Variants in WWOX observed in about 807,000 individuals in gnomAD.
WWOX encodes WW domain containing oxidoreductase, also known as WW domain-containing oxidoreductase.
Under a neutral mutation model 46.2 loss-of-function variants are expected in WWOX, and 69 were observed. The observed-to-expected ratio is 1.49, with a 90% CI of 1.23 to 1.82. The LOEUF (loss-of-function observed/expected upper bound fraction) is 1.82. WWOX is among the 40% of genes most tolerant of loss of function. The pLI is 0.00. For synonymous variants in WWOX, 359 were observed against 202.6 expected (o/e 1.77, Z -6.56); for missense variants, 919 against 542.6 (o/e 1.69, Z -6.89).
chr16:78,372,755 G>T (rs1773021661), intron 5 of WWOX, among the ~76,000 whole-genome samples: 1 of 152,162 alleles, frequency 6.6e-6, no homozygotes, highest in East Asian at 1.9e-4. Flanking sequence ...ATAGGATTCA[G>T]ATGTATTTGT....
intron 4 of WWOX, among the ~76,000 whole-genome samples, chr16:78,122,454 T>C (rs564685771): frequency 1.3e-5 from 2 of 152,302 alleles, no homozygotes; most frequent in East Asian, 3.9e-4. Flanking sequence ...TAATAGATTT[T>C]TGTTCTACTT....
intron 8 of WWOX, among the ~76,000 whole-genome samples, chr16:79,037,493 G>T (rs772136642): frequency 4.9e-4 from 74 of 152,050 alleles, no homozygotes; most frequent in Non-Finnish European, 1.6e-4. Context: ...TGTCATAGGA[G>T]TCTAGGACTC....
At chr16:78,691,215 C>G (rs931474191) in intron 8 of WWOX, 12 of 701,892 alleles carry the variant, frequency 1.7e-5, no homozygotes, top group Non-Finnish European at 2.6e-5. Flanking sequence ...AGAATTTTAG[C>G]TATGCTTCTC....
chr16:79,086,734 T>G (rs117951677), intron 8 of WWOX, among the ~76,000 whole-genome samples: 1 of 152,160 alleles, frequency 6.6e-6, no homozygotes, highest in East Asian at 1.9e-4. Context: ...TAAAAAGAAA[T>G]TAGCCAGGCA....
At chr16:78,909,319 A>G (rs938388716) in intron 8 of WWOX, among the ~76,000 whole-genome samples, 10 of 152,242 alleles carry the variant, frequency 6.6e-5, no homozygotes. Flanking sequence ...AAAGAATTTT[A>G]GAATCCAGAT....
At chr16:78,727,323 C>T (rs938253265) in intron 8 of WWOX, among the ~76,000 whole-genome samples, 6 of 152,144 alleles carry the variant, frequency 3.9e-5, no homozygotes, top group East Asian at 3.9e-4. Flanking sequence ...CACTTCAACC[C>T]GGAAGGCGGA....
intron 5 of WWOX, among the ~76,000 whole-genome samples, chr16:78,292,379 A>G (rs141387722): frequency 9.8e-5 from 15 of 152,294 alleles, no homozygotes; most frequent in African/African-American, 3.6e-4. Context: ...AACACATTTT[A>G]TGAAATTTGC....
At chr16:78,913,070 G>A (rs1053870971) in intron 8 of WWOX, among the ~76,000 whole-genome samples, 45 of 152,026 alleles carry the variant, frequency 3.0e-4, no homozygotes, top group Middle Eastern at 3.4e-3. Context: ...TTAACCCTTT[G>A]GATTTCAGCC....
intron 5 of WWOX, among the ~76,000 whole-genome samples, chr16:78,188,549 G>T (rs996211349): frequency 2.0e-5 from 3 of 151,808 alleles, no homozygotes; most frequent in Non-Finnish European, 4.4e-5. Context: ...AAGTTTTAAG[G>T]CTCTAGAATT....
intron 8 of WWOX, among the ~76,000 whole-genome samples, chr16:78,855,225 T>G (rs952660427): frequency 6.6e-6 from 1 of 152,156 alleles, no homozygotes; most frequent in Non-Finnish European, 1.5e-5. Flanking sequence ...CTACAAAGTC[T>G]TCACGTACTT....
At chr16:78,408,338 T>C (rs1322183707) in intron 6 of WWOX, among the ~76,000 whole-genome samples, 1 of 152,222 alleles carries the variant, frequency 6.6e-6, no homozygotes, top group Non-Finnish European at 1.5e-5. Flanking sequence ...AATTAGCATG[T>C]ACCCTCCATT....
At chr16:78,554,639 A>G (rs1365387671) in intron 8 of WWOX, among the ~76,000 whole-genome samples, 1 of 152,174 alleles carries the variant, frequency 6.6e-6, no homozygotes, top group Non-Finnish European at 1.5e-5. Flanking sequence ...GGACAAGAAA[A>G]AATCCCCAGG....
intron 8 of WWOX, among the ~76,000 whole-genome samples, chr16:78,780,045 G>A (rs1854853796): frequency 6.6e-6 from 1 of 152,260 alleles, no homozygotes; most frequent in South Asian, 2.1e-4. Flanking sequence ...AAGCCATATG[G>A]ATACTTTTTC....
intron 8 of WWOX, among the ~76,000 whole-genome samples, chr16:78,765,226 G>T (rs548696338): frequency 6.6e-6 from 1 of 152,228 alleles, no homozygotes; most frequent in Admixed American, 6.5e-5. Context: ...GATCCAGCAC[G>T]AGCAAAGGCA....
chr16:78,585,622 C>G (rs961337582), intron 8 of WWOX, among the ~76,000 whole-genome samples: 2 of 151,908 alleles, frequency 1.3e-5, no homozygotes, highest in Non-Finnish European at 2.9e-5. Context: ...CAAGTCACTT[C>G]GCAGCACAAT....
intron 8 of WWOX, among the ~76,000 whole-genome samples, chr16:78,529,907 A>G (rs2043579861): frequency 6.6e-6 from 1 of 152,224 alleles, no homozygotes; most frequent in African/African-American, 2.4e-5. Context: ...AAAGTTTTAC[A>G]AATCTCCTGA....
At chr16:78,932,865 C>A (rs577806185) in intron 8 of WWOX, among the ~76,000 whole-genome samples, 1 of 152,188 alleles carries the variant, frequency 6.6e-6, no homozygotes, top group Admixed American at 6.5e-5. Context: ...TGGCCCAGCA[C>A]CCTTGTCTGG....
At chr16:78,518,881 C>T (rs1306119578) in intron 8 of WWOX, among the ~76,000 whole-genome samples, 3 of 152,206 alleles carry the variant, frequency 2.0e-5, no homozygotes, top group Admixed American at 1.3e-4. Context: ...GCGACATCCA[C>T]ATGTGTTCTT....
At chr16:78,258,759 C>T (rs1416384234) in intron 5 of WWOX, among the ~76,000 whole-genome samples, 1 of 144,448 alleles carries the variant, frequency 6.9e-6, no homozygotes, top group Non-Finnish European at 1.5e-5. Flanking sequence ...CCAAGGCCCA[C>T]ATGGCTTTTC....
Sources: gnomAD v4.1 joint callset for allele counts (sites outside exome capture counted in the v4.1 genomes callset) on GRCh38, gnomAD v4.1.1 for gene constraint, MANE v1.5 for transcripts, NCBI Gene and HGNC (gene_info 2026-07-23, HGNC 2026-07-21) for gene names.